Variants in FANK1 observed in about 807,000 individuals in gnomAD.
The protein encoded by FANK1 is fibronectin type 3 and ankyrin repeat domains protein 1.
Under a neutral mutation model 45.3 loss-of-function variants are expected in FANK1, and 44 were observed. The observed-to-expected ratio is 0.97, with a 90% CI of 0.76 to 1.25. The LOEUF is 1.25. Among genes scored for constraint, FANK1 ranks in the 50% most tolerant of loss-of-function variants. The probability of loss-of-function intolerance (pLI) is 0.00; values close to 1 mark genes in which losing one functional copy is unlikely to be tolerated. For missense variants in FANK1, 391 were observed against 424.4 expected (o/e 0.92, Z 0.69); for synonymous variants, 149 against 152.5 (o/e 0.98, Z 0.17).
intron 3 of FANK1, among the ~76,000 whole-genome samples, chr10:125,991,684 G>A (rs1951955439): frequency 6.6e-6 from 1 of 152,024 alleles, no homozygotes; most frequent in Non-Finnish European, 1.5e-5. Context: ...GCTTAAATGA[G>A]GCTTACAATT....
At chr10:125,942,630 T>C (rs1473691218) in intron 1 of FANK1, among the ~76,000 whole-genome samples, 1 of 152,074 alleles carries the variant, frequency 6.6e-6, no homozygotes, top group Non-Finnish European at 1.5e-5. Context: ...AGCTGACAAA[T>C]ATAAAACATT....
At chr10:125,969,233 AC>A (rs1393615381) in intron 1 of FANK1, among the ~76,000 whole-genome samples, 1 of 152,106 alleles carries the variant, frequency 6.6e-6, no homozygotes, top group Non-Finnish European at 1.5e-5. Context: ...TTTTTAGAAA[AC>A]AAACTCTTTA....
chr10:125,970,517 T>C (rs915401892), intron 1 of FANK1, among the ~76,000 whole-genome samples: 1 of 152,204 alleles, frequency 6.6e-6, no homozygotes, highest in Non-Finnish European at 1.5e-5. Flanking sequence ...TACTCCAGCC[T>C]GGGCAGCATT....
At chr10:125,966,179 T>G (rs1259177176) in intron 1 of FANK1, among the ~76,000 whole-genome samples, 2 of 152,212 alleles carry the variant, frequency 1.3e-5, no homozygotes, top group African/African-American at 4.8e-5. Flanking sequence ...ACTAGCAAAG[T>G]AGAGGAAAGC....
At position 126,008,408 on chromosome 10, in the gene FANK1, T is replaced by G. The variant is rs763894066; in HGVS notation, c.707T>G (p.Val236Gly). Residue 236 changes from valine to glycine, a missense_variant and splice_region_variant, in exon 8 of 11, where the codon GTA becomes GGA. By Grantham distance (109) the Val-to-Gly change is moderately radical. Coordinates refer to ENST00000368693, the MANE Select transcript of FANK1 (RefSeq NM_145235.5). ...IEWMIKDGCE[V>G]DVVDTGSGWT... ...ACAGCTGTTTCTCTGGCCCAACAGG[T>G]AGACGTCGTGGACACTGGTTCAGGA... The G allele has an allele frequency of 6.3e-7, 1 of 1,597,004 alleles. No individual in the cohort carries two copies. The highest frequency in any genetic ancestry group is 1.1e-5 in the South Asian group (1 of 87,704).
chr10:125,928,326 A>G (rs111438217), intron 1 of FANK1, among the ~76,000 whole-genome samples: 1,925 of 149,918 alleles, frequency 0.013, 41 homozygotes, highest in African/African-American at 0.045. Flanking sequence ...GCATTTGTAA[A>G]CTGTCGTGGT....
Position 125,898,368 on chromosome 10 carries a change from C to T in FANK1, c.13+1713C>T, listed in dbSNP as rs150051870. 7.0e-4 allele frequency among the ~76,000 whole-genome samples: 107 copies of T among 151,992 alleles called. 2 individuals are homozygous for T. The East Asian group carries it at 0.021, about 29-fold the overall frequency. The stretch of plus-strand genomic sequence containing the variant: ...CGGATCGGACAGTGTTAGTTTTGGT[C>T]ATCCCAGGAAAACTAAGCAGAGGCT... On this transcript the variant is annotated intron_variant, in intron 1 of 10. Coordinates refer to ENST00000368693, the MANE Select transcript of FANK1 (RefSeq NM_145235.5).
intron 6 of FANK1, among the ~76,000 whole-genome samples, chr10:126,000,459 G>A (rs1006888850): frequency 5.9e-5 from 9 of 152,116 alleles, no homozygotes; most frequent in Non-Finnish European, 1.3e-4. Context: ...TAAGAACCTG[G>A]TATATGATGA....
chr10:125,929,960 G>A (rs1416310661), intron 1 of FANK1, among the ~76,000 whole-genome samples: 6 of 152,302 alleles, frequency 3.9e-5, no homozygotes, highest in Admixed American at 3.9e-4. Flanking sequence ...GCCTGATGTT[G>A]CCTGCCTCCA....
intron 1 of FANK1, among the ~76,000 whole-genome samples, chr10:125,961,381 A>AT (rs1949919002): frequency 6.6e-6 from 1 of 152,202 alleles, no homozygotes; most frequent in African/African-American, 2.4e-5. Flanking sequence ...AAGTGCTGGG[A>AT]TTACAGGCAT....
At chr10:125,958,333 A>G (rs1949710077) in intron 1 of FANK1, among the ~76,000 whole-genome samples, 1 of 152,124 alleles carries the variant, frequency 6.6e-6, no homozygotes, top group African/African-American at 2.4e-5. Flanking sequence ...TGGGTAATTT[A>G]AAAAGAGGCT....
intron 1 of FANK1, among the ~76,000 whole-genome samples, chr10:125,953,840 A>T (rs183158202): frequency 2.6e-5 from 4 of 152,246 alleles, no homozygotes; most frequent in Admixed American, 2.0e-4. Flanking sequence ...TGCCTGTAAC[A>T]TGGGCCATGA....
chr10:125,911,785 C>T (rs1946032808), intron 1 of FANK1, among the ~76,000 whole-genome samples: 1 of 152,200 alleles, frequency 6.6e-6, no homozygotes, highest in Non-Finnish European at 1.5e-5. Flanking sequence ...TCCTCATCTG[C>T]ACAACATGGT....
intron 1 of FANK1, among the ~76,000 whole-genome samples, chr10:125,925,369 T>C (rs1947274502): frequency 6.6e-6 from 1 of 152,254 alleles, no homozygotes; most frequent in Non-Finnish European, 1.5e-5. Flanking sequence ...ATAGCTATAG[T>C]AACTTTGGTT....
intron 1 of FANK1, among the ~76,000 whole-genome samples, chr10:125,963,405 C>G (rs1950037365): frequency 6.6e-6 from 1 of 152,152 alleles, no homozygotes; most frequent in African/African-American, 2.4e-5. Flanking sequence ...GGTATCTACC[C>G]AAAGGATTAT....
At position 125,987,928 on chromosome 10, in the gene FANK1, G is replaced by T. The variant is rs192810402; in HGVS notation, c.192-623G>T. Among the ~76,000 whole-genome samples the T allele has an allele frequency of 2.6e-5, 4 of 152,304 alleles. No homozygotes were observed. The South Asian group carries it at 8.3e-4, about 32-fold the overall frequency. On this transcript the variant is annotated intron_variant, in intron 2 of 10. Transcript: ENST00000368693. ...CTCTGGAGGTGTGTGGATTTCCATCGTGAGTCTCTCATCAGATTTCTATCC... is the reference window on the plus strand; with the variant it reads ...CTCTGGAGGTGTGTGGATTTCCATCTTGAGTCTCTCATCAGATTTCTATCC...
intron 1 of FANK1, among the ~76,000 whole-genome samples, chr10:125,975,925 A>G (rs1590128693): frequency 6.6e-6 from 1 of 152,126 alleles, no homozygotes; most frequent in Admixed American, 6.5e-5. Flanking sequence ...CAGTGACACT[A>G]GTCTGTGTGT....
At chr10:125,978,409 G>A (rs1950984091) in intron 1 of FANK1, among the ~76,000 whole-genome samples, 1 of 152,144 alleles carries the variant, frequency 6.6e-6, no homozygotes. Flanking sequence ...AGGCTCAAAG[G>A]CTGGAACAGC....
chr10:125,944,371 T>A (rs1033038196), intron 1 of FANK1, among the ~76,000 whole-genome samples: 2 of 152,230 alleles, frequency 1.3e-5, no homozygotes, highest in Non-Finnish European at 2.9e-5. Flanking sequence ...CATGTAAAAA[T>A]TGATCAAATC....
Sources: allele counts gnomAD v4.1 joint callset (sites outside exome capture counted in the v4.1 genomes callset), GRCh38; gene constraint gnomAD v4.1.1; transcripts MANE v1.5; gene names NCBI Gene and HGNC (gene_info 2026-07-23, HGNC 2026-07-21).